MIA2: variants seen among roughly 807,000 people sequenced by gnomAD.
MIA2 encodes melanoma inhibitory activity protein 2.
Under a neutral mutation model 167.8 loss-of-function variants are expected in MIA2, and 127 were observed. That is an observed-to-expected ratio of 0.76 (90% confidence interval 0.66 to 0.88). The LOEUF (loss-of-function observed/expected upper bound fraction) is 0.88, where lower values mean the gene tolerates loss of function less well. MIA2 is among the 40% of genes least tolerant of loss of function. MIA2 has a pLI of 0.00. For missense variants in MIA2, 1,690 were observed against 1,624.7 expected, an observed-to-expected ratio of 1.04 and a Z score of -0.69; for synonymous variants, 552 against 541.9, an observed-to-expected ratio of 1.02 and a Z score of -0.26.
At chr14:39,292,652 A>G in intron 10 of MIA2, 1 of 307,812 alleles carries the variant, frequency 3.2e-6, no homozygotes, top group Non-Finnish European at 6.3e-6. Flanking sequence ...AAATCTTTGA[A>G]TCTTTTGGTT....
At chr14:39,380,302 C>G (rs1008361955) in intron 23 of MIA2, among the ~76,000 whole-genome samples, 28 of 152,048 alleles carry the variant, frequency 1.8e-4, no homozygotes, top group Middle Eastern at 6.8e-3. Context: ...TTGGGTCAAA[C>G]AAAAAATTTT....
In MIA2 at chr14:39,236,061, G is replaced by A. The variant is rs778018705; in HGVS notation, c.116-861G>A. Among the ~76,000 whole-genome samples the A allele has an allele frequency of 9.2e-5, 14 of 152,234 alleles. No individual in the cohort carries two copies. The East Asian group carries it at 1.7e-3, about 19-fold the overall frequency. ...TCATAGTTATTGAGGCCTACTACAC[G>A]TTGGGTTGGGCGGGGGGCAGGTGCT... On this transcript the variant is annotated intron_variant, in intron 1 of 28. Coordinates refer to ENST00000640607, the MANE Select transcript of MIA2 (RefSeq NM_001329214.4).
At chr14:39,274,777 G>A (rs2057702322) in intron 6 of MIA2, among the ~76,000 whole-genome samples, 1 of 150,748 alleles carries the variant, frequency 6.6e-6, no homozygotes, top group Non-Finnish European at 1.5e-5. Context: ...ACCAGCTCAA[G>A]GCTTTATTTT....
chr14:39,243,989 C>G (rs1474908770), intron 3 of MIA2, among the ~76,000 whole-genome samples: 3 of 152,244 alleles, frequency 2.0e-5, no homozygotes, highest in Non-Finnish European at 2.9e-5. Context: ...AGGGTATGAT[C>G]TAATGCAGTA....
intron 24 of MIA2, among the ~76,000 whole-genome samples, chr14:39,322,466 G>A (rs1453238822): frequency 2.0e-5 from 3 of 151,544 alleles, no homozygotes; most frequent in African/African-American, 4.9e-5. Flanking sequence ...GCTTGAACCC[G>A]GGGGACGGAG....
At chr14:39,253,530 G>C (rs182019643) in intron 6 of MIA2, 113 of 263,140 alleles carry the variant, frequency 4.3e-4, no homozygotes, top group African/African-American at 2.3e-3. Context: ...TACTTAGGAG[G>C]CTGAGGCAGG....
chr14:39,368,698 T>C (rs2074875066), intron 23 of MIA2, among the ~76,000 whole-genome samples: 1 of 151,468 alleles, frequency 6.6e-6, no homozygotes, highest in Non-Finnish European at 1.5e-5. Context: ...TGTTTTTTTT[T>C]TTGGTAATTT....
intron 7 of MIA2, among the ~76,000 whole-genome samples, chr14:39,278,436 C>T (rs369401831): frequency 2.0e-5 from 3 of 152,178 alleles, no homozygotes; most frequent in East Asian, 3.9e-4. Context: ...CATCTACACT[C>T]ATTGTAGAGT....
At chr14:39,252,073 A>T (rs995989634) in intron 4 of MIA2, among the ~76,000 whole-genome samples, 10 of 83,686 alleles carry the variant, frequency 1.2e-4, no homozygotes, top group African/African-American at 7.0e-4. Flanking sequence ...ACAAAAAGGC[A>T]CGTTAGAGAA....
At chr14:39,268,748 C>T (rs901370594) in intron 6 of MIA2, among the ~76,000 whole-genome samples, 1 of 152,078 alleles carries the variant, frequency 6.6e-6, no homozygotes, top group Non-Finnish European at 1.5e-5. Context: ...GGAGAGGTGA[C>T]AGTAGTAAGG....
rs556630696 is a variant in MIA2 at position 39,295,063 on chromosome 14, A to G, written c.2496+34A>G. 33 of 1,347,294 alleles carry G rather than the reference A, an allele frequency of 2.4e-5. No individual in the cohort carries two copies. The South Asian group carries it at 3.3e-4, about 13-fold the overall frequency. 83.5% of individuals were successfully genotyped at this position (1,347,294 alleles called of 1,614,324 possible). ...TCCGTAGGGACTCTTCAACTTGTGA[A>G]TATGTAATTATAGATGTTCTTGTCA... On this transcript the variant is annotated intron_variant, in intron 13 of 28. Transcript: ENST00000640607.
chr14:39,374,143 G>A (rs1017234267), intron 23 of MIA2, among the ~76,000 whole-genome samples: 2 of 152,254 alleles, frequency 1.3e-5, no homozygotes, highest in Non-Finnish European at 2.9e-5. Flanking sequence ...CCTTGTAGGA[G>A]TTCCAGAGTG....
At chr14:39,309,020 C>T (rs1219707768) in intron 18 of MIA2, among the ~76,000 whole-genome samples, 1 of 152,182 alleles carries the variant, frequency 6.6e-6, no homozygotes, top group Non-Finnish European at 1.5e-5. Flanking sequence ...CTTAGGGTGG[C>T]ACCTCAAGCT....
At chr14:39,362,035 A>G (rs1350244459) in intron 23 of MIA2, among the ~76,000 whole-genome samples, 3 of 152,020 alleles carry the variant, frequency 2.0e-5, no homozygotes, top group Non-Finnish European at 4.4e-5. Context: ...GTGGGATAAA[A>G]CCCACTTGAA....
chr14:39,386,021 A>C (rs760470554), intron 23 of MIA2: 3 of 1,001,924 alleles, frequency 3.0e-6, no homozygotes, highest in Non-Finnish European at 4.7e-6. Flanking sequence ...ACAGTCTGTC[A>C]TGACAACTCT....
intron 6 of MIA2, chr14:39,267,039 G>C: frequency 9.7e-7 from 1 of 1,030,022 alleles, no homozygotes; most frequent in Non-Finnish European, 1.2e-6. Context: ...GGCTTCGCCA[G>C]GTAGAGCGCC....
chr14:39,365,817 T>C (rs2074810670), intron 23 of MIA2, among the ~76,000 whole-genome samples: 1 of 152,220 alleles, frequency 6.6e-6, no homozygotes, highest in Non-Finnish European at 1.5e-5. Flanking sequence ...CAGCATCTTA[T>C]AAATTTCATT....
intron 25 of MIA2, among the ~76,000 whole-genome samples, chr14:39,332,664 G>A (rs2069188372): frequency 6.6e-6 from 1 of 152,020 alleles, no homozygotes; most frequent in Non-Finnish European, 1.5e-5. Flanking sequence ...GCTTCTCTTG[G>A]CTAGGGGAGG....
chr14:39,279,561 T>G (rs763271064), intron 9 of MIA2, 24 bp downstream of exon 9: 1 of 1,479,110 alleles, frequency 6.8e-7, no homozygotes, highest in South Asian at 1.2e-5. Flanking sequence ...GAAAATAATA[T>G]TCATGTTAGA....
Sources: gnomAD v4.1 joint callset for allele counts (sites outside exome capture counted in the v4.1 genomes callset) on GRCh38, gnomAD v4.1.1 for gene constraint, MANE v1.5 for transcripts, NCBI Gene and HGNC (gene_info 2026-07-23, HGNC 2026-07-21) for gene names.